The following ZMYM1 variants were observed in gnomAD, a reference collection of about 807,000 sequenced individuals.
ZMYM1 encodes the protein zinc finger MYM-type containing 1.
Under a neutral mutation model 60.0 loss-of-function variants are expected in ZMYM1, and 39 were observed. The observed-to-expected ratio is 0.65, with a 90% confidence interval of 0.50 to 0.85. The LOEUF (loss-of-function observed/expected upper bound fraction) is 0.85. Among genes scored for constraint, ZMYM1 ranks in the 40% least tolerant of loss-of-function variants. ZMYM1 has a pLI of 0.00. For synonymous variants in ZMYM1, 413 were observed against 454.0 expected (o/e 0.91, Z 1.15); for missense variants, 1,171 against 1,309.5 (o/e 0.89, Z 1.63).
At chr1:35,079,681 C>G (rs890182268) in intron 1 of ZMYM1, among the ~76,000 whole-genome samples, 1 of 152,204 alleles carries the variant, frequency 6.6e-6, no homozygotes, top group African/African-American at 2.4e-5. Flanking sequence ...TTAGTGCTCC[C>G]CGCTTCCAGC....
At chr1:35,107,727 ATGTAAT>A (rs1231211815) in intron 6 of ZMYM1, among the ~76,000 whole-genome samples, 20 of 152,060 alleles carry the variant, frequency 1.3e-4, no homozygotes, top group African/African-American at 2.4e-4. Context: ...GGATTATTAG[ATGTAAT>A]TGTAATTATT....
intron 1 of ZMYM1, among the ~76,000 whole-genome samples, chr1:35,064,705 T>G (rs1161853441): frequency 6.7e-6 from 1 of 149,048 alleles, no homozygotes; most frequent in Non-Finnish European, 1.5e-5. Flanking sequence ...TTTTTTTTTT[T>G]TTTGAGACAG....
At chr1:35,105,730 C>T (rs1643873619) in intron 6 of ZMYM1, among the ~76,000 whole-genome samples, 1 of 152,002 alleles carries the variant, frequency 6.6e-6, no homozygotes, top group Admixed American at 6.6e-5. Flanking sequence ...CTCAGCGTCC[C>T]GAGTAGCTGG....
chr1:35,113,916 A>C lies in ZMYM1; in HGVS notation c.2086A>C (p.Thr696Pro), dbSNP rs2148576033. 1.2e-6 allele frequency: 2 copies of C among 1,613,952 alleles called. No individual in the cohort carries two copies. The highest frequency in any genetic ancestry group is 4.5e-5 in the East Asian group (2 of 44,842). Reference protein sequence around the residue: ...EEMTGTHLHRTIKTYLQQIGV... With the variant: ...EEMTGTHLHRPIKTYLQQIGV... ...GATGACTGGGACCCACTTACATAGG[A>C]CTATCAAAACTTATCTGCAGCAAAT... is the stretch of plus-strand genomic sequence containing the variant. The change falls in exon 10 of 10, where the codon ACT becomes CCT. Residue 696 changes from threonine (T) to proline (P), a missense_variant. By Grantham distance (38) the Thr-to-Pro change is conservative. Transcript: ENST00000359858.
Position 35,113,515 on chromosome 1 carries a change from T to G in ZMYM1, c.1685T>G (p.Leu562Ter). ...CTAAAGCTTATAATTGAAAATATTTTATTTCTTGGAAAGCAGTGTTTACCC... is the reference window on the plus strand; with the variant it reads ...CTAAAGCTTATAATTGAAAATATTTGATTTCTTGGAAAGCAGTGTTTACCC... ...KYLKLIIENI[L>*]FLGKQCLPLR... Residue 562 changes from leucine (L) to a stop codon, truncating the protein, a stop_gained, in exon 10 of 10, where the codon TTA becomes TGA. Coordinates refer to ENST00000359858, the MANE Select transcript of ZMYM1 (RefSeq NM_024772.5). LOFTEE classifies it high-confidence loss of function. The G allele has an allele frequency of 6.2e-7, 1 of 1,609,722 alleles. No homozygotes were observed. The highest frequency in any genetic ancestry group is 1.3e-5 in the African/African-American group (1 of 74,680).
chr1:35,096,768 C>T (rs1341838150), intron 3 of ZMYM1, among the ~76,000 whole-genome samples: 2 of 152,084 alleles, frequency 1.3e-5, no homozygotes, highest in South Asian at 2.1e-4. Context: ...TGCATGATCT[C>T]GCCTCACTGC....
In ZMYM1 at chr1:35,067,875, AAAAAAAAC is replaced by A. The variant is rs576862971; in HGVS notation, c.-301+7965_-301+7972del. Among the ~76,000 whole-genome samples, 74 of 149,544 alleles carry A rather than the reference AAAAAAAAC, an allele frequency of 4.9e-4. 1 individual carries two copies. In the South Asian group the frequency reaches 0.014, roughly 29 times the overall value. On this transcript the variant is annotated intron_variant, in intron 1 of 10. Transcript: ENST00000417119. ...AGGCGACAAGAGCAAAGTTCTGTCC[AAAAAAAAC>A]AAAAAAACAAAAAACCTTATTCATG...
chr1:35,070,571 C>A (rs1642049026), intron 1 of ZMYM1, among the ~76,000 whole-genome samples: 2 of 152,096 alleles, frequency 1.3e-5, no homozygotes, highest in South Asian at 4.1e-4. Flanking sequence ...TTGACTTCCT[C>A]CTTTCCAATT....
chr1:35,062,957 A>T (rs559181105), intron 1 of ZMYM1, among the ~76,000 whole-genome samples: 2 of 152,258 alleles, frequency 1.3e-5, no homozygotes, highest in East Asian at 3.9e-4. Context: ...ACGGAAGTTT[A>T]TTTCTGTCTC....
rs867527501 is a variant in ZMYM1, at chr1:35,088,452, A to G, written c.-74-5462A>G. ...TTTATGTGTATATATATATATATAT[A>G]TATGTGTGTGTGTGTGTGTGTGTGT... On this transcript the variant is annotated intron_variant, in intron 1 of 9. Transcript: ENST00000359858. Among the ~76,000 whole-genome samples, 484 of 101,598 alleles carry G rather than the reference A, an allele frequency of 4.8e-3. 5 individuals carry two copies. The highest frequency in any genetic ancestry group is 0.018 in the African/African-American group (358 of 20,422). 66.7% of individuals were successfully genotyped at this position (101,598 alleles called of 152,430 possible).
intron 4 of ZMYM1, among the ~76,000 whole-genome samples, chr1:35,100,402 A>G (rs543295482): frequency 1.5e-4 from 23 of 151,798 alleles, no homozygotes; most frequent in African/African-American, 5.5e-4. Context: ...CAGGAGAATC[A>G]CTGGAGGTCA....
chr1:35,068,358 G>T (rs2148477029), intron 1 of ZMYM1, among the ~76,000 whole-genome samples: 1 of 149,386 alleles, frequency 6.7e-6, no homozygotes, highest in South Asian at 2.1e-4. Flanking sequence ...GGCAGAGGTT[G>T]CAGTGAGCCA....
At chr1:35,092,990 A>G (rs759871607) in intron 1 of ZMYM1, among the ~76,000 whole-genome samples, 24 of 152,180 alleles carry the variant, frequency 1.6e-4, no homozygotes, top group Admixed American at 1.3e-4. Context: ...GTACTGGGGA[A>G]TTGTGTTTTT....
intron 1 of ZMYM1, among the ~76,000 whole-genome samples, chr1:35,092,721 G>C (rs2971407): frequency 6.6e-6 from 1 of 151,876 alleles, no homozygotes; most frequent in Non-Finnish European, 1.5e-5. Flanking sequence ...TCTGCCTCCC[G>C]GGTTCAAGCT....
At position 35,113,787 on chromosome 1, in the gene ZMYM1, A is replaced by C; in HGVS notation, c.1957A>C (p.Ser653Arg). The change falls in exon 10 of 10, where the codon AGT becomes CGT. Residue 653 changes from serine (S) to arginine (R), a missense_variant. By Grantham distance (110) the Ser-to-Arg change is moderately radical (BLOSUM62 -1). Transcript: ENST00000359858. ...FSIICDETIN[S>R]AMKEQLSICV... is the part of the protein sequence containing the mutation. ...AATCATATGTGATGAGACAATCAAT[A>C]GTGCCATGAAAGAACAGCTTTCAAT... The C allele has an allele frequency of 6.2e-7, 1 of 1,613,938 alleles. No homozygotes were observed. Among genetic ancestry groups the C allele is most frequent in the Non-Finnish European group, 8.5e-7 (1 of 1,179,892 alleles).
At chr1:35,112,199 A>AC in intron 9 of ZMYM1, 69 bp downstream of exon 9, 1 of 1,524,486 alleles carries the variant, frequency 6.6e-7, no homozygotes, top group South Asian at 1.1e-5. Flanking sequence ...TGTTGTTGAG[A>AC]CAGAGTCTCG....
chr1:35,061,461 T>C (rs1641873916), intron 1 of ZMYM1, among the ~76,000 whole-genome samples: 3 of 152,084 alleles, frequency 2.0e-5, no homozygotes, highest in African/African-American at 7.2e-5. Flanking sequence ...TATAGATAGA[T>C]AGATACATAG....
chr1:35,100,007 C>T (rs1471709028), intron 4 of ZMYM1, among the ~76,000 whole-genome samples: 1 of 152,186 alleles, frequency 6.6e-6, no homozygotes, highest in African/African-American at 2.4e-5. Context: ...TCTCCTGCCT[C>T]AGCCTCCCAA....
chr1:35,075,515 T>C (rs1642151578), upstream of ZMYM1, among the ~76,000 whole-genome samples: 1 of 151,974 alleles, frequency 6.6e-6, no homozygotes, highest in African/African-American at 2.4e-5. Flanking sequence ...AACCCTCCCC[T>C]CCAAGAGGAT....
Sources: allele counts gnomAD v4.1 joint callset (sites outside exome capture counted in the v4.1 genomes callset), GRCh38; gene constraint gnomAD v4.1.1; transcripts MANE v1.5; gene names NCBI Gene and HGNC (gene_info 2026-07-23, HGNC 2026-07-21).